The following PREX1 variants were observed in gnomAD, a reference collection of about 807,000 sequenced individuals.
PREX1 encodes phosphatidylinositol 3,4,5-trisphosphate-dependent Rac exchanger 1 protein.
In PREX1, 41 loss-of-function variants were observed where a neutral mutation model predicts 198.3. That is an observed-to-expected ratio of 0.21 (90% CI 0.16 to 0.27). PREX1 has a LOEUF of 0.27. Among genes scored for constraint, PREX1 ranks in the 10% least tolerant of loss-of-function variants. The pLI, the probability that PREX1 is intolerant of heterozygous loss-of-function variation, is 1.00. For missense variants in PREX1, 1,620 were observed against 2,200.7 expected (o/e 0.74, Z 5.28); for synonymous variants, 843 against 887.2 (o/e 0.95, Z 0.89).
At chr20:48,821,495 A>C (rs1322774655) in intron 1 of PREX1, among the ~76,000 whole-genome samples, 2 of 152,200 alleles carry the variant, frequency 1.3e-5, no homozygotes, top group Non-Finnish European at 2.9e-5. Context: ...GGGACACAGC[A>C]CACAGGTTTG....
chr20:48,834,959 G>GT, the PREX1 span, among the ~76,000 whole-genome samples: 1 of 152,124 alleles, frequency 6.6e-6, no homozygotes, highest in Non-Finnish European at 1.5e-5. Context: ...GTTTCACCAT[G>GT]TTGGCCAGGC....
the PREX1 span, among the ~76,000 whole-genome samples, chr20:48,856,140 G>C: frequency 6.6e-6 from 1 of 152,146 alleles, no homozygotes; most frequent in African/African-American, 2.4e-5. Context: ...ATGGCCCTGA[G>C]GCAGAACCCA....
At chr20:48,769,410 G>A (rs753981045) in intron 1 of PREX1, among the ~76,000 whole-genome samples, 73 of 152,110 alleles carry the variant, frequency 4.8e-4, no homozygotes, top group Non-Finnish European at 9.3e-4. Context: ...CTACTCTACC[G>A]TCGTCGCTGG....
the PREX1 span, among the ~76,000 whole-genome samples, chr20:48,871,848 A>G: frequency 6.6e-6 from 1 of 151,010 alleles, no homozygotes; most frequent in Non-Finnish European, 1.5e-5. Context: ...TACTCAGGCT[A>G]TGAAAGGCTG....
intron 1 of PREX1, chr20:48,821,887 A>G (rs944699111): frequency 6.6e-6 from 1 of 152,236 alleles, no homozygotes; most frequent in Non-Finnish European, 1.5e-5. Flanking sequence ...AAAAGTAGGT[A>G]GGCTTCCAGA....
At chr20:48,738,734 C>T (rs879377947) in intron 3 of PREX1, among the ~76,000 whole-genome samples, 1 of 152,050 alleles carries the variant, frequency 6.6e-6, no homozygotes, top group Non-Finnish European at 1.5e-5. Flanking sequence ...GGGGAGCTCA[C>T]CCCCAGGAAA....
At chr20:48,634,038 A>AATGAATGCATGG (rs2089337689) in intron 33 of PREX1, among the ~76,000 whole-genome samples, 1 of 147,770 alleles carries the variant, frequency 6.8e-6, no homozygotes, top group Non-Finnish European at 1.5e-5. Context: ...TCGATGGATG[A>AATGAATGCATGG]ATGGATGCAT....
intron 1 of PREX1, among the ~76,000 whole-genome samples, chr20:48,811,821 T>C: frequency 6.6e-6 from 1 of 152,208 alleles, no homozygotes; most frequent in East Asian, 1.9e-4. Flanking sequence ...AAAACATTCA[T>C]CCAACTCATT....
intron 30 of PREX1, among the ~76,000 whole-genome samples, chr20:48,638,727 C>T (rs1022320441): frequency 2.6e-5 from 4 of 152,174 alleles, no homozygotes; most frequent in African/African-American, 4.8e-5. Context: ...GCCAGGCAGC[C>T]AGGGCACTGA....
chr20:48,678,451 C>T lies in PREX1; in HGVS notation c.1589+909G>A, dbSNP rs111338189. ...CACCACTGCAATCCAGCCTGGGTAA[C>T]GGAGCAAGACCCTGTCTCAAAAAAA... On this transcript the variant is annotated intron_variant, in intron 13 of 39. Coordinates refer to ENST00000371941, the MANE Select transcript of PREX1 (RefSeq NM_020820.4). Among the ~76,000 whole-genome samples, 870 of 150,032 alleles carry T rather than the reference C, an allele frequency of 5.8e-3. 5 individuals are homozygous for T. The highest frequency in any genetic ancestry group is 8.2e-3 in the Non-Finnish European group (555 of 67,750).
intron 14 of PREX1, among the ~76,000 whole-genome samples, chr20:48,671,275 C>A (rs2089673378): frequency 6.6e-6 from 1 of 152,174 alleles, no homozygotes; most frequent in South Asian, 2.1e-4. Flanking sequence ...AAAATGTTCT[C>A]CAACAGGACA....
intron 37 of PREX1, 79 bp from the exon 38 acceptor site, chr20:48,628,042 G>T: frequency 1.0e-6 from 1 of 955,028 alleles, no homozygotes; most frequent in Non-Finnish European, 1.6e-6. Context: ...TCAGAGGACA[G>T]TGGGTGAGAG....
chr20:48,627,984 C>T (rs1335808573), intron 37 of PREX1, 21 bp from the exon 38 acceptor site: 5 of 1,254,722 alleles, frequency 4.0e-6, no homozygotes, highest in African/African-American at 1.6e-5. Flanking sequence ...GGAGGGAGGA[C>T]AGCGGGTTGG....
At chr20:48,661,543 G>GTA (rs1188265918) in intron 15 of PREX1, among the ~76,000 whole-genome samples, 1,704 of 86,230 alleles carry the variant, frequency 0.02, 52 homozygotes, top group African/African-American at 0.061. Context: ...GTGTGTGTGT[G>GTA]TATATATATA....
rs377467262 is a variant in PREX1, at chr20:48,676,228, G to C, written c.1630C>G (p.Pro544Ala). ...YHLKTYKSVLPGSKLVDWLLA... is the reference protein window; with the variant it reads ...YHLKTYKSVLAGSKLVDWLLA... ...AGCCAGTCCACCAGCTTGCTCCCGG[G>C]AAGCACTGACTTGTAGGTCTTCAGG... Residue 544 changes from proline to alanine, a missense_variant, in exon 14 of 40, where the codon CCC (proline) becomes GCC (alanine). This residue lies in a region of PREX1 where 488 missense variants were observed against 802.5 expected (regional missense o/e 0.61). Coordinates refer to ENST00000371941, the MANE Select transcript of PREX1 (RefSeq NM_020820.4). 1.2e-6 allele frequency: 2 copies of C among 1,613,988 alleles called. No homozygotes were observed. The highest frequency in any genetic ancestry group is 1.7e-6 in the Non-Finnish European group (2 of 1,180,004).
intron 25 of PREX1, among the ~76,000 whole-genome samples, chr20:48,646,329 G>C (rs1051882002): frequency 1.3e-5 from 2 of 152,218 alleles, no homozygotes; most frequent in Non-Finnish European, 2.9e-5. Context: ...CAGTGGGAAA[G>C]ACCTGGACAG....
chr20:48,728,397 G>T (rs2090019027), intron 4 of PREX1, among the ~76,000 whole-genome samples: 1 of 152,232 alleles, frequency 6.6e-6, no homozygotes, highest in Admixed American at 6.5e-5. Flanking sequence ...GGCACGAAGA[G>T]CTGGCCCAAG....
the PREX1 span, among the ~76,000 whole-genome samples, chr20:48,875,929 A>G: frequency 6.6e-6 from 1 of 152,166 alleles, no homozygotes; most frequent in African/African-American, 2.4e-5. Flanking sequence ...CTCCTGGAGG[A>G]GAAAGGCATA....
chr20:48,797,991 T>G lies in PREX1; in HGVS notation c.219+29651A>C, dbSNP rs146956332. Among the ~76,000 whole-genome samples the G allele has an allele frequency of 5.9e-3, 900 of 152,340 alleles. 2 individuals carry two copies. The highest frequency in any genetic ancestry group is 0.034 in the Middle Eastern group (10 of 294). ...TTGACTCTTAATCTCTTCTCTAGCT[T>G]TGCAATTCCAGGGACGACGCTGAGC... On this transcript the variant is annotated intron_variant, in intron 1 of 39. Transcript: ENST00000371941.
Sources: gnomAD v4.1 joint callset for allele counts (sites outside exome capture counted in the v4.1 genomes callset) on GRCh38, gnomAD v4.1.1 for gene constraint, gnomAD v4.1.1 regional missense constraint, MANE v1.5 for transcripts, NCBI Gene and HGNC (gene_info 2026-07-23, HGNC 2026-07-21) for gene names.